The following SPAG16 variants were observed in gnomAD, a reference collection of about 807,000 sequenced individuals.
SPAG16 encodes sperm-associated antigen 16 protein.
A neutral mutation model predicts 80.4 loss-of-function variants in SPAG16; 86 were observed. The ratio of observed to expected loss-of-function variants is 1.07; its 90% CI spans 0.90 to 1.28. The LOEUF (loss-of-function observed/expected upper bound fraction) is 1.28. Ranked by LOEUF, SPAG16 falls within the 50% of genes most tolerant of loss-of-function variation. The probability of loss-of-function intolerance (pLI) is 0.00; values close to 1 mark genes in which losing one functional copy is unlikely to be tolerated. For synonymous variants in SPAG16, 294 were observed against 265.9 expected, an observed-to-expected ratio of 1.11 and a Z score of -1.03; for missense variants, 870 against 765.3, an observed-to-expected ratio of 1.14 and a Z score of -1.61.
chr2:213,559,605 A>T lies in SPAG16; in HGVS notation c.1070+69515A>T, dbSNP rs542931285. Among the ~76,000 whole-genome samples the T allele has an allele frequency of 1.1e-4, 16 of 152,278 alleles. No homozygotes were observed. The South Asian group carries it at 3.3e-3, about 32-fold the overall frequency. On this transcript the variant is annotated intron_variant, in intron 10 of 15. Transcript: ENST00000331683. ...CAATATACTTGTAAAATTATAGTGC[A>T]TATATTTTAATTTTAGTTACTCTTA... is the stretch of plus-strand genomic sequence containing the variant.
At chr2:213,925,752 A>G (rs2078440994) in intron 11 of SPAG16, among the ~76,000 whole-genome samples, 1 of 152,098 alleles carries the variant, frequency 6.6e-6, no homozygotes, top group Non-Finnish European at 1.5e-5. Context: ...TTTCTCTGTG[A>G]TGTTGTTTAA....
chr2:213,509,213 G>A (rs1467167179), intron 10 of SPAG16, among the ~76,000 whole-genome samples: 3 of 152,066 alleles, frequency 2.0e-5, no homozygotes, highest in Non-Finnish European at 4.4e-5. Context: ...GGTCAGGCTG[G>A]TCTTGAATTC....
intron 15 of SPAG16, among the ~76,000 whole-genome samples, chr2:214,179,529 C>T (rs976333266): frequency 2.6e-5 from 4 of 151,396 alleles, no homozygotes; most frequent in African/African-American, 9.7e-5. Flanking sequence ...ACACTTTTCT[C>T]TACAAAATGG....
rs114975572 is a variant in SPAG16 at position 213,848,399 on chromosome 2, C to T, written c.1071-14086C>T. On this transcript the variant is annotated intron_variant, in intron 10 of 15. Transcript: ENST00000331683. ...TACTGCATCACAGATTATCAGGACT[C>T]ATTTCAGGTCTGTTGCTTGGTTTTC... 1.6e-3 allele frequency among the ~76,000 whole-genome samples: 249 copies of T among 152,288 alleles called. 1 individual carries two copies. Among genetic ancestry groups the T allele is most frequent in the African/African-American group, 5.7e-3 (239 of 41,570 alleles).
At chr2:213,839,670 G>A (rs939748261) in intron 10 of SPAG16, among the ~76,000 whole-genome samples, 1 of 152,052 alleles carries the variant, frequency 6.6e-6, no homozygotes, top group African/African-American at 2.4e-5. Context: ...ATATTTCACA[G>A]CCTGGAATGT....
At chr2:214,206,309 A>C (rs1007120984) in intron 15 of SPAG16, among the ~76,000 whole-genome samples, 4 of 152,070 alleles carry the variant, frequency 2.6e-5, no homozygotes, top group Non-Finnish European at 4.4e-5. Context: ...TCTGGTAACC[A>C]TCATTCTCCC....
intron 15 of SPAG16, among the ~76,000 whole-genome samples, chr2:214,296,104 A>G (rs540878641): frequency 6.6e-6 from 1 of 152,236 alleles, no homozygotes; most frequent in Admixed American, 6.5e-5. Flanking sequence ...CTTTATGTCC[A>G]TGTGTACTCA....
At chr2:213,424,042 A>C (rs776560174) in intron 9 of SPAG16, among the ~76,000 whole-genome samples, 13 of 152,200 alleles carry the variant, frequency 8.5e-5, no homozygotes, top group Non-Finnish European at 1.6e-4. Flanking sequence ...TTTCCATGAC[A>C]AACTTAATTT....
chr2:213,666,015 T>C (rs1167107117), intron 10 of SPAG16, among the ~76,000 whole-genome samples: 1 of 152,164 alleles, frequency 6.6e-6, no homozygotes, highest in East Asian at 1.9e-4. Context: ...TGGACCTTAG[T>C]TAGAAACATG....
Position 213,615,261 on chromosome 2 carries a change from C to T in SPAG16, c.1070+125171C>T, listed in dbSNP as rs555735981. Among the ~76,000 whole-genome samples, 3 of 152,296 alleles carry T rather than the reference C, an allele frequency of 2.0e-5. No individual in the cohort carries two copies. The South Asian group carries it at 6.2e-4, about 32-fold the overall frequency. On this transcript the variant is annotated intron_variant, in intron 10 of 15. Transcript: ENST00000331683. ...TGTTATTATGAATTAATAATGTATT[C>T]GTATTCTTGAGATTTTGCTCATTGT...
intron 14 of SPAG16, among the ~76,000 whole-genome samples, chr2:214,146,770 G>C (rs1403484190): frequency 1.3e-5 from 2 of 152,126 alleles, no homozygotes; most frequent in African/African-American, 4.8e-5. Flanking sequence ...GGAGGCCAAG[G>C]TGGGCAGATC....
intron 12 of SPAG16, among the ~76,000 whole-genome samples, chr2:213,976,859 T>G (rs2045436542): frequency 6.6e-6 from 1 of 151,934 alleles, no homozygotes; most frequent in Non-Finnish European, 1.5e-5. Flanking sequence ...TCCTAAAACC[T>G]CACTATAAAA....
At chr2:213,686,832 T>C (rs2064705324) in intron 10 of SPAG16, among the ~76,000 whole-genome samples, 1 of 151,776 alleles carries the variant, frequency 6.6e-6, no homozygotes, top group Non-Finnish European at 1.5e-5. Context: ...AACAGGCGCG[T>C]GCCACCACAC....
intron 10 of SPAG16, among the ~76,000 whole-genome samples, chr2:213,654,331 T>C (rs1389627058): frequency 4.6e-5 from 7 of 151,074 alleles, no homozygotes. Flanking sequence ...TCAATTCTAA[T>C]GGACGCTTGA....
In SPAG16 at chr2:213,860,482, T is replaced by TATAG. The variant is rs1553646318; in HGVS notation, c.1071-2000_1071-1999insGATA. On this transcript the variant is annotated intron_variant, in intron 10 of 15. Transcript: ENST00000331683. ...ATACAGATATATCTATCTATATATA[T>TATAG]ATATACACACATATGTGTGTGTACA... 6.7e-4 allele frequency among the ~76,000 whole-genome samples: 89 copies of TATAG among 132,860 alleles called. 1 individual carries two copies. The highest frequency in any genetic ancestry group is 9.2e-4 in the Non-Finnish European group (57 of 62,280). 87.2% of individuals were successfully genotyped at this position (132,860 alleles called of 152,430 possible). A position where few individuals can be genotyped will look rare whatever the true frequency, so the allele number is the denominator to read the frequency against.
At chr2:213,339,856 T>C (rs975295845) in intron 5 of SPAG16, among the ~76,000 whole-genome samples, 3 of 152,152 alleles carry the variant, frequency 2.0e-5, no homozygotes, top group African/African-American at 7.2e-5. Context: ...AAAGGTTCTC[T>C]TTGGAAATAG....
intron 10 of SPAG16, among the ~76,000 whole-genome samples, chr2:213,498,610 C>T (rs1429568552): frequency 6.6e-6 from 1 of 152,054 alleles, no homozygotes; most frequent in African/African-American, 2.4e-5. Flanking sequence ...TTCAGAGTAC[C>T]TCATGAAATA....
chr2:214,033,878 C>T (rs1330585026), intron 13 of SPAG16, among the ~76,000 whole-genome samples: 3 of 152,202 alleles, frequency 2.0e-5, no homozygotes, highest in Admixed American at 2.0e-4. Context: ...AGTTTTAACA[C>T]TGATACAGCT....
At chr2:213,953,296 A>G (rs1298998763) in intron 12 of SPAG16, among the ~76,000 whole-genome samples, 2 of 151,990 alleles carry the variant, frequency 1.3e-5, no homozygotes, top group Non-Finnish European at 2.9e-5. Context: ...AACAAGAAAC[A>G]ACATACTGAA....
Sources: gnomAD v4.1 joint callset for allele counts (sites outside exome capture counted in the v4.1 genomes callset) on GRCh38, gnomAD v4.1.1 for gene constraint, MANE v1.5 for transcripts, NCBI Gene and HGNC (gene_info 2026-07-23, HGNC 2026-07-21) for gene names.